Variants in SH3BP2 observed in about 807,000 individuals in gnomAD.
SH3BP2 encodes SH3 domain-binding protein 2.
Under a neutral mutation model 56.2 loss-of-function variants are expected in SH3BP2, and 38 were observed. The observed-to-expected ratio is 0.68, with a 90% CI of 0.52 to 0.89. SH3BP2 has a LOEUF of 0.89. Ranked by LOEUF, SH3BP2 falls within the 40% of genes least tolerant of loss-of-function variation. SH3BP2 has a pLI of 0.00. For synonymous variants in SH3BP2, 346 were observed against 316.7 expected (o/e 1.09, Z -0.98); for missense variants, 748 against 762.6 (o/e 0.98, Z 0.23).
Position 2,837,057 on chromosome 4 carries a change from T to C in SH3BP2, c.*3223T>C, listed in dbSNP as rs1419468950. ...TGTATTGTGAAAAGATTTTTTCTTT[T>C]TTTTTTGGGACACAGTCTCACTCTG... On this transcript the variant is annotated 3_prime_UTR_variant, in exon 13 of 13. Coordinates refer to ENST00000503393, the MANE Select transcript of SH3BP2 (RefSeq NM_001122681.2). 1.3e-5 allele frequency: 2 copies of C among 152,348 alleles called. No homozygotes were observed. Among genetic ancestry groups the C allele is most frequent in the African/African-American group, 4.8e-5 (2 of 41,568 alleles). 9.4% of individuals were successfully genotyped at this position (152,348 alleles called of 1,614,324 possible). A position where few individuals can be genotyped will look rare whatever the true frequency, so the allele number is the denominator to read the frequency against.
chr4:2,820,898 C>G, intron 2 of SH3BP2, 145 bp downstream of exon 2: 1 of 991,742 alleles, frequency 1.0e-6, no homozygotes, highest in East Asian at 2.6e-5. Context: ...GCTGGCACCC[C>G]TGGAGAAGCA....
chr4:2,808,391 G>A (rs756130733), intron 1 of SH3BP2, among the ~76,000 whole-genome samples: 8 of 152,150 alleles, frequency 5.3e-5, no homozygotes, highest in Non-Finnish European at 1.2e-4. Flanking sequence ...TAGTTACATC[G>A]AAGACCCTTT....
At chr4:2,832,520 T>C in intron 11 of SH3BP2, 108 bp downstream of exon 11, 2 of 829,172 alleles carry the variant, frequency 2.4e-6, no homozygotes, top group Admixed American at 1.8e-5. Flanking sequence ...TTGTGGACTC[T>C]TACTTGGTGT....
intron 1 of SH3BP2, among the ~76,000 whole-genome samples, chr4:2,807,031 C>T (rs937364011): frequency 2.0e-5 from 3 of 152,260 alleles, no homozygotes; most frequent in Non-Finnish European, 2.9e-5. Flanking sequence ...TCTCTGCCTC[C>T]ACCCTGCACC....
At chr4:2,818,655 G>A (rs1577352942) in intron 1 of SH3BP2, 2 of 938,352 alleles carry the variant, frequency 2.1e-6, no homozygotes, top group East Asian at 7.9e-5. Context: ...CCACTGCGGG[G>A]CTCCTTCGGG....
At chr4:2,814,506 ACACACACACG>A (rs1723906992) in intron 1 of SH3BP2, among the ~76,000 whole-genome samples, 3 of 152,174 alleles carry the variant, frequency 2.0e-5, no homozygotes, top group African/African-American at 7.2e-5. Flanking sequence ...GTGCACACAC[ACACACACACG>A]CACACACGCA....
chr4:2,836,064 T>G lies in SH3BP2; in HGVS notation c.*2230T>G, dbSNP rs2108745554. On this transcript the variant is annotated 3_prime_UTR_variant, in exon 13 of 13. Coordinates refer to ENST00000503393, the MANE Select transcript of SH3BP2 (RefSeq NM_001122681.2). ...ACTTACACGGTCACCTGGAGCCGGCTCAAGTGGCTAAAGCATCCTGGGGCC... is the reference window on the plus strand; with the variant it reads ...ACTTACACGGTCACCTGGAGCCGGCGCAAGTGGCTAAAGCATCCTGGGGCC... 1 of 152,342 alleles carries G rather than the reference T, an allele frequency of 6.6e-6. No homozygotes were observed. Among genetic ancestry groups the G allele is most frequent in the East Asian group, 1.9e-4 (1 of 5,188 alleles). 9.4% of individuals were successfully genotyped at this position (152,342 alleles called of 1,614,324 possible). A position where few individuals can be genotyped will look rare whatever the true frequency, so the allele number is the denominator to read the frequency against.
rs1725319186 is a variant in SH3BP2, at chr4:2,838,773, T to C, written c.*4939T>C. ...TGCTGTAGATGGACAGTTGGTTTGT[T>C]TCTAGTTTGGGGTAACTACACACAA... is the stretch of plus-strand genomic sequence containing the variant. On this transcript the variant is annotated 3_prime_UTR_variant, in exon 13 of 13. Coordinates refer to ENST00000503393, the MANE Select transcript of SH3BP2 (RefSeq NM_001122681.2). The C allele has an allele frequency of 6.6e-6, 1 of 152,156 alleles. No homozygotes were observed. Among genetic ancestry groups the C allele is most frequent in the South Asian group, 2.1e-4 (1 of 4,832 alleles). The allele number at this position is 152,156 out of a possible 1,614,324, so 9.4% of individuals were successfully genotyped here. A position where few individuals can be genotyped will look rare whatever the true frequency, so the allele number is the denominator to read the frequency against.
At chr4:2,801,368 C>A (rs1723274996) in intron 1 of SH3BP2, among the ~76,000 whole-genome samples, 1 of 152,238 alleles carries the variant, frequency 6.6e-6, no homozygotes, top group South Asian at 2.1e-4. Flanking sequence ...CTCTGGGGTT[C>A]CCAGGCTGAG....
At chr4:2,805,693 T>A (rs1723506765) in intron 1 of SH3BP2, among the ~76,000 whole-genome samples, 1 of 151,648 alleles carries the variant, frequency 6.6e-6, no homozygotes, top group South Asian at 2.1e-4. Flanking sequence ...GGGTGGGGGC[T>A]GCCTCTCTGA....
chr4:2,822,628 C>T (rs970720194), intron 2 of SH3BP2, among the ~76,000 whole-genome samples: 1 of 152,266 alleles, frequency 6.6e-6, no homozygotes, highest in African/African-American at 2.4e-5. Context: ...GCCTCTGGTC[C>T]TGGCTCTGCC....
At chr4:2,812,226 G>A in intron 1 of SH3BP2, 1 of 1,502,080 alleles carries the variant, frequency 6.7e-7, no homozygotes. Flanking sequence ...GCTACTTGGT[G>A]CTGCCCAGGG....
rs866128602 is a variant in SH3BP2, at chr4:2,818,299, G to A, written c.-4-2315G>A. On this transcript the variant is annotated intron_variant, in intron 1 of 12. Coordinates refer to ENST00000503393, the MANE Select transcript of SH3BP2 (RefSeq NM_001122681.2). ...CGCCCGGGACGAGGCGGCGGCGGCCGGGGGACGCGGCCCGGGGCCGTGCCG... is the reference window on the plus strand; with the variant it reads ...CGCCCGGGACGAGGCGGCGGCGGCCAGGGGACGCGGCCCGGGGCCGTGCCG... The A allele has an allele frequency of 3.6e-4, 383 of 1,069,268 alleles. 1 individual carries two copies. In the African/African-American group the frequency reaches 5.9e-3, roughly 17 times the overall value. The allele number at this position is 1,069,268 out of a possible 1,614,324, so 66.2% of individuals were successfully genotyped here. A position where few individuals can be genotyped will look rare whatever the true frequency, so the allele number is the denominator to read the frequency against.
At chr4:2,796,360 T>G (rs1033541833) in intron 1 of SH3BP2, 13 of 974,222 alleles carry the variant, frequency 1.3e-5, no homozygotes, top group Non-Finnish European at 1.6e-5. Context: ...CCCAACCTTC[T>G]CTCTTCTCCC....
chr4:2,819,795 C>T (rs1458301905), intron 1 of SH3BP2, among the ~76,000 whole-genome samples: 1 of 151,932 alleles, frequency 6.6e-6, no homozygotes, highest in African/African-American at 2.4e-5. Context: ...GAGGTCATTT[C>T]AGGCAGAGGA....
intron 5 of SH3BP2, 59 bp downstream of exon 5, chr4:2,825,255 C>G (rs1186942735): frequency 2.5e-5 from 35 of 1,395,742 alleles, no homozygotes; most frequent in Non-Finnish European, 3.3e-5. Context: ...CTGGGCCTGA[C>G]CCGGGTGTCC....
chr4:2,831,808 G>T lies in SH3BP2; in HGVS notation c.1351-115G>T, dbSNP rs1045666798. ...CCCCCCGAGAACCCGGGAGCCTAGG[G>T]GGACACAGCACCATGTAAAGCCCCG... On this transcript the variant is annotated intron_variant, in intron 9 of 12. Coordinates refer to ENST00000503393, the MANE Select transcript of SH3BP2 (RefSeq NM_001122681.2). The surrounding 1 kb of genome is among the most constrained non-coding windows in gnomAD (Gnocchi z 4.1). 3.6e-6 allele frequency: 5 copies of T among 1,379,832 alleles called. No individual in the cohort carries two copies. Among genetic ancestry groups the T allele is most frequent in the Non-Finnish European group, 4.1e-6 (4 of 987,104 alleles). The allele number at this position is 1,379,832 out of a possible 1,614,324, so 85.5% of individuals were successfully genotyped here.
At chr4:2,804,776 T>A (rs1039327021) in intron 1 of SH3BP2, among the ~76,000 whole-genome samples, 1 of 152,218 alleles carries the variant, frequency 6.6e-6, no homozygotes, top group African/African-American at 2.4e-5. Flanking sequence ...GTAGGGGCCC[T>A]GCCAGGGCCA....
chr4:2,827,446 G>A, intron 6 of SH3BP2, 128 bp downstream of exon 6: 1 of 1,159,842 alleles, frequency 8.6e-7, no homozygotes, highest in Non-Finnish European at 1.3e-6. Flanking sequence ...GTGCGCAGTA[G>A]CATCCCTGGG....
Sources: gnomAD v4.1 joint callset for allele counts (sites outside exome capture counted in the v4.1 genomes callset) on GRCh38, gnomAD v4.1.1 for gene constraint, Gnocchi (gnomAD v3.1) non-coding constraint, MANE v1.5 for transcripts, NCBI Gene and HGNC (gene_info 2026-07-23, HGNC 2026-07-21) for gene names.